The following ELAPOR2 variants were observed in gnomAD, a reference collection of about 807,000 sequenced individuals.
The protein encoded by ELAPOR2 is endosome-lysosome associated apoptosis and autophagy regulator family member 2, also known as endosome/lysosome-associated apoptosis and autophagy regulator family member 2.
A neutral mutation model predicts 120.7 loss-of-function variants in ELAPOR2; 89 were observed. The ratio of observed to expected loss-of-function variants is 0.74; its 90% CI spans 0.62 to 0.88. ELAPOR2 has a LOEUF of 0.88. ELAPOR2 is among the 40% of genes least tolerant of loss of function. The probability of loss-of-function intolerance (pLI) is 0.00; values close to 1 mark genes in which losing one functional copy is unlikely to be tolerated. For missense variants in ELAPOR2, 1,134 were observed against 1,251.6 expected (o/e 0.91, Z 1.42); for synonymous variants, 444 against 444.9 (o/e 1.00, Z 0.03).
chr7:87,006,485 G>T (rs538640545), intron 1 of ELAPOR2, among the ~76,000 whole-genome samples: 3 of 151,952 alleles, frequency 2.0e-5, no homozygotes, highest in African/African-American at 7.2e-5. Context: ...TAACAAACAT[G>T]CACATTCTGC....
chr7:86,997,715 T>C (rs1046180466), intron 1 of ELAPOR2, among the ~76,000 whole-genome samples: 7 of 152,152 alleles, frequency 4.6e-5, no homozygotes, highest in Admixed American at 3.9e-4. Flanking sequence ...ATTCCCACCA[T>C]GGTCTCCGGA....
At chr7:86,944,459 ATT>A (rs1438465858) in intron 4 of ELAPOR2, among the ~76,000 whole-genome samples, 1 of 152,118 alleles carries the variant, frequency 6.6e-6, no homozygotes. Context: ...CACTTAAATA[ATT>A]TTTGTTAGCA....
Position 86,940,113 on chromosome 7 carries a change from TACCTATAAAGAGAA to T in ELAPOR2, c.742-12_743del, listed in dbSNP as rs1790743502. The T allele has an allele frequency of 6.2e-7, 1 of 1,605,874 alleles. No homozygotes were observed. Among genetic ancestry groups the T allele is most frequent in the Admixed American group, 1.7e-5 (1 of 59,748 alleles). On this transcript the variant is annotated splice_acceptor_variant and splice_polypyrimidine_tract_variant and coding_sequence_variant and intron_variant, in exon 6 of 22. Coordinates refer to ENST00000450689, the MANE Select transcript of ELAPOR2 (RefSeq NM_001142749.3). LOFTEE classifies it high-confidence loss of function. ...GTATGTTTGTGCCTGATTTCAGCATTACCTATAAAGAGAAACATAAAGGCACTTAGGGCAGATAA... is the reference window on the plus strand; with the variant it reads ...GTATGTTTGTGCCTGATTTCAGCATTACATAAAGGCACTTAGGGCAGATAA...
intron 12 of ELAPOR2, among the ~76,000 whole-genome samples, chr7:86,916,381 G>GACAC (rs1789569950): frequency 1.3e-5 from 2 of 152,142 alleles, no homozygotes; most frequent in Non-Finnish European, 2.9e-5. Context: ...AAGGAAAAAT[G>GACAC]TCATTCTAGC....
chr7:87,037,818 C>A (rs1794637373), intron 1 of ELAPOR2, among the ~76,000 whole-genome samples: 1 of 152,142 alleles, frequency 6.6e-6, no homozygotes, highest in East Asian at 1.9e-4. Flanking sequence ...TTTTCTTTGA[C>A]TGAGATGTGG....
In ELAPOR2 at chr7:86,880,289, C is replaced by A. The variant is rs148068906; in HGVS notation, c.*182G>T. ...AAATCATTTGCTTTCCTTTATTTGG[C>A]AAGGTACTTGACCATGTGATAAGGC... On this transcript the variant is annotated 3_prime_UTR_variant, in exon 22 of 22. Transcript: ENST00000450689. 1.6e-6 allele frequency: 1 copy of A among 609,446 alleles called. No homozygotes were observed. The highest frequency in any genetic ancestry group is 2.9e-6 in the Non-Finnish European group (1 of 344,134). 37.8% of individuals were successfully genotyped at this position (609,446 alleles called of 1,614,324 possible).
At chr7:87,004,524 C>T (rs1393689302) in intron 1 of ELAPOR2, among the ~76,000 whole-genome samples, 1 of 152,174 alleles carries the variant, frequency 6.6e-6, no homozygotes, top group Admixed American at 6.6e-5. Context: ...CTTTGACAGG[C>T]TGTTGTACAC....
chr7:86,903,559 G>A (rs1286068188), intron 18 of ELAPOR2, among the ~76,000 whole-genome samples: 3 of 152,158 alleles, frequency 2.0e-5, no homozygotes, highest in African/African-American at 7.2e-5. Context: ...AAAGACCAAA[G>A]AAAATACTAC....
At chr7:87,023,257 G>T (rs1279041835) in intron 1 of ELAPOR2, among the ~76,000 whole-genome samples, 1 of 152,176 alleles carries the variant, frequency 6.6e-6, no homozygotes, top group Non-Finnish European at 1.5e-5. Context: ...TGTAAGGAAA[G>T]GATCCAGTTT....
At chr7:86,941,370 C>T (rs1790788329) in intron 5 of ELAPOR2, 1 of 532,618 alleles carries the variant, frequency 1.9e-6, no homozygotes, top group Non-Finnish European at 3.9e-6. Flanking sequence ...TGCCTTCAAG[C>T]ATTTAAGGAG....
Position 86,896,435 on chromosome 7 carries a change from T to C in ELAPOR2, c.2685+1071A>G, listed in dbSNP as rs138002568. Among the ~76,000 whole-genome samples the C allele has an allele frequency of 1.7e-3, 262 of 152,210 alleles. 5 individuals carry two copies. The East Asian group carries it at 0.041, about 24-fold the overall frequency. On this transcript the variant is annotated intron_variant, in intron 19 of 21. Coordinates refer to ENST00000450689, the MANE Select transcript of ELAPOR2 (RefSeq NM_001142749.3). ...GGTGAACACAACTGCTGCCAAATAC[T>C]TGGAATGCATGGGATTGGGCGCAAG... is the stretch of plus-strand genomic sequence containing the variant.
At position 86,912,193 on chromosome 7, in the gene ELAPOR2, T is replaced by A; in HGVS notation, c.2048A>T (p.Gln683Leu). Residue 683 changes from glutamine to leucine, a missense_variant, in exon 15 of 22, where the codon CAG (glutamine) becomes CTG (leucine). By Grantham distance (113) the Gln-to-Leu change is moderately radical (BLOSUM62 -2). This residue lies in a region of ELAPOR2 where 831 missense variants were observed against 867.6 expected (regional missense o/e 0.96). Transcript: ENST00000450689. ...GTTGCTAAAGTCATAGTGCAAACTC[T>A]GATTTTCTTTTTCATGGTAGAAAAA... The part of the protein sequence containing the change: ...DCFFYHEKEN[Q>L]SLHYDFSNLS... The A allele has an allele frequency of 6.2e-7, 1 of 1,608,760 alleles. No individual in the cohort carries two copies. Among genetic ancestry groups the A allele is most frequent in the Non-Finnish European group, 8.5e-7 (1 of 1,175,630 alleles).
chr7:86,897,618 C>G lies in ELAPOR2; in HGVS notation c.2573G>C (p.Gly858Ala). The G allele has an allele frequency of 6.2e-7, 1 of 1,613,220 alleles. No individual in the cohort carries two copies. The highest frequency in any genetic ancestry group is 8.5e-7 in the Non-Finnish European group (1 of 1,179,434). ...ATAGAACGTACACCCATCACAGGTA[C>G]CTGCTGGGCACTTGCTAAAATCATA... ...VISVPSKCPA[G>A]TCDGCTFYFL... Residue 858 changes from glycine (G) to alanine (A), a missense_variant, in exon 19 of 22, where the codon GGT (glycine) becomes GCT (alanine). By Grantham distance (60) the Gly-to-Ala change is moderately conservative. Around this residue, in one of 3 missense-constraint regions of ELAPOR2, gnomAD observed 831 missense variants for 867.6 expected, o/e 0.96. Coordinates refer to ENST00000450689, the MANE Select transcript of ELAPOR2 (RefSeq NM_001142749.3).
At chr7:86,914,431 T>C (rs1789465049) in intron 13 of ELAPOR2, among the ~76,000 whole-genome samples, 1 of 152,174 alleles carries the variant, frequency 6.6e-6, no homozygotes, top group African/African-American at 2.4e-5. Flanking sequence ...AAACAAGTTA[T>C]TTTTAGAGAA....
chr7:87,000,273 T>C (rs577680534), intron 1 of ELAPOR2, among the ~76,000 whole-genome samples: 3 of 152,296 alleles, frequency 2.0e-5, no homozygotes, highest in South Asian at 2.1e-4. Flanking sequence ...GCAGTCTTCA[T>C]AGCTGGCTAT....
chr7:86,920,085 G>A (rs1789758312), intron 10 of ELAPOR2, among the ~76,000 whole-genome samples: 1 of 152,096 alleles, frequency 6.6e-6, no homozygotes, highest in African/African-American at 2.4e-5. Flanking sequence ...ATCTGCCACT[G>A]CAAGAGGTAA....
rs1002999766 is a variant in ELAPOR2, at chr7:86,912,127, G to A, written c.2114C>T (p.Thr705Ile). ...ATGGAAGTATTTTGTTCCTTTGGAG[G>A]TGAAGCTGGGGCCATTCATTAATGA... is the stretch of plus-strand genomic sequence containing the variant. The part of the protein sequence containing the change: ...VGSLMNGPSF[T>I]SKGTKYFHFF... The change falls in exon 15 of 22, where the codon ACC becomes ATC. Residue 705 changes from threonine (T) to isoleucine (I), a missense_variant. Thr to Ile is a moderately conservative substitution (Grantham distance 89, BLOSUM62 -1). Around this residue, in one of 3 missense-constraint regions of ELAPOR2, gnomAD observed 831 missense variants for 867.6 expected, o/e 0.96. Coordinates refer to ENST00000450689, the MANE Select transcript of ELAPOR2 (RefSeq NM_001142749.3). 1.9e-6 allele frequency: 3 copies of A among 1,612,422 alleles called. No homozygotes were observed. The highest frequency in any genetic ancestry group is 1.7e-6 in the Non-Finnish European group (2 of 1,178,598).
chr7:86,900,824 T>C (rs971961289), intron 18 of ELAPOR2, among the ~76,000 whole-genome samples: 2 of 152,156 alleles, frequency 1.3e-5, no homozygotes, highest in Admixed American at 6.5e-5. Context: ...TTATTTTTAG[T>C]ATGAAAATAG....
At chr7:86,885,385 T>C (rs767655585) in intron 21 of ELAPOR2, among the ~76,000 whole-genome samples, 41 of 152,116 alleles carry the variant, frequency 2.7e-4, no homozygotes, top group African/African-American at 8.7e-4. Context: ...ACCAAAAACA[T>C]TGAAAGCATT....
Sources: gnomAD v4.1 joint callset for allele counts (sites outside exome capture counted in the v4.1 genomes callset) on GRCh38, gnomAD v4.1.1 for gene constraint, gnomAD v4.1.1 regional missense constraint, MANE v1.5 for transcripts, NCBI Gene and HGNC (gene_info 2026-07-23, HGNC 2026-07-21) for gene names.